Variants in GCSAML observed in about 807,000 individuals in gnomAD.
GCSAML encodes the protein germinal center-associated signaling and motility-like protein.
GCSAML carries 9 observed loss-of-function variants against 13.0 expected under a neutral mutation model. The observed-to-expected ratio is 0.69, with a 90% CI of 0.42 to 1.21. GCSAML has a LOEUF of 1.21. Among genes scored for constraint, GCSAML ranks in the 50% most tolerant of loss-of-function variants. The pLI is 0.00. For synonymous variants in GCSAML, 37 were observed against 52.9 expected, an observed-to-expected ratio of 0.70 and a Z score of 1.31; for missense variants, 143 against 153.4, an observed-to-expected ratio of 0.93 and a Z score of 0.36.
intron 1 of GCSAML, chr1:247,525,944 C>T (rs937308192): frequency 6.6e-6 from 1 of 152,182 alleles, no homozygotes; most frequent in African/African-American, 2.4e-5. Context: ...CTGTTGAAGA[C>T]CAAATATATG....
At chr1:247,519,356 C>T (rs1666335923) in intron 1 of GCSAML, 1 of 152,160 alleles carries the variant, frequency 6.6e-6, no homozygotes, top group East Asian at 1.9e-4. Context: ...GTCATTAGAT[C>T]AGATACAAGA....
chr1:247,534,885 G>T (rs1292744638), intron 2 of GCSAML, among the ~76,000 whole-genome samples: 2 of 152,160 alleles, frequency 1.3e-5, no homozygotes, highest in East Asian at 1.9e-4. Flanking sequence ...AAATTCACAC[G>T]TGGAAGCTGT....
intron 2 of GCSAML, among the ~76,000 whole-genome samples, chr1:247,559,257 ACTG>A (rs1226978548): frequency 6.6e-6 from 1 of 152,208 alleles, no homozygotes; most frequent in African/African-American, 2.4e-5. Flanking sequence ...TCAGATATTC[ACTG>A]TCATTATTTC....
At chr1:247,522,181 C>CA (rs1666461037) in intron 1 of GCSAML, among the ~76,000 whole-genome samples, 1 of 151,614 alleles carries the variant, frequency 6.6e-6, no homozygotes, top group African/African-American at 2.4e-5. Flanking sequence ...CGTCTCCGCC[C>CA]GGCAGCCGCC....
intron 4 of GCSAML, among the ~76,000 whole-genome samples, 185 bp downstream of exon 4, chr1:247,566,144 A>C (rs1361002269): frequency 6.6e-6 from 1 of 152,212 alleles, no homozygotes; most frequent in African/African-American, 2.4e-5. Context: ...TGTAATGCAG[A>C]AATGAAAGGA....
Position 247,514,447 on chromosome 1 carries a change from T to C in GCSAML, c.-263+7214T>C, listed in dbSNP as rs140530459. ...TTGTCTGTTAACTCTGCTATTTCTTTTGCTGTGCAGAAGCTTTTTAGTTTA... is the reference window on the plus strand; with the variant it reads ...TTGTCTGTTAACTCTGCTATTTCTTCTGCTGTGCAGAAGCTTTTTAGTTTA... On this transcript the variant is annotated intron_variant, in intron 1 of 5. Transcript: ENST00000366489. Among the ~76,000 whole-genome samples, 930 of 152,316 alleles carry C rather than the reference T, an allele frequency of 6.1e-3. 5 individuals carry two copies. The highest frequency in any genetic ancestry group is 0.018 in the African/African-American group (749 of 41,584).
At chr1:247,534,053 G>A (rs1352433239) in intron 2 of GCSAML, among the ~76,000 whole-genome samples, 1 of 152,082 alleles carries the variant, frequency 6.6e-6, no homozygotes, top group Non-Finnish European at 1.5e-5. Context: ...TTTTTGAAAA[G>A]TCACCTTCTG....
At chr1:247,521,129 T>C (rs1666401662) in intron 1 of GCSAML, among the ~76,000 whole-genome samples, 1 of 126,356 alleles carries the variant, frequency 7.9e-6, no homozygotes, top group Non-Finnish European at 1.8e-5. Flanking sequence ...TTTTTTTTTT[T>C]TTGCAAGGAG....
rs1667272213 is a variant in GCSAML, at chr1:247,537,762, A to C, written c.-148+10708A>C. On this transcript the variant is annotated intron_variant, in intron 2 of 5. Transcript: ENST00000366489. ...TTCCCAGCAGCTAATAATGTTGTGC[A>C]TTTTTTAATGTGCTTGTTGGCCACT... 2.6e-5 allele frequency among the ~76,000 whole-genome samples: 4 copies of C among 151,876 alleles called. No homozygotes were observed. The South Asian group carries it at 8.3e-4, about 32-fold the overall frequency.
At chr1:247,570,143 T>C (rs192403411) in intron 4 of GCSAML, among the ~76,000 whole-genome samples, 1 of 152,314 alleles carries the variant, frequency 6.6e-6, no homozygotes, top group African/African-American at 2.4e-5. Flanking sequence ...TTGTTAATCT[T>C]TTCAAAAAAA....
chr1:247,513,791 T>C (rs1316525149), intron 1 of GCSAML, among the ~76,000 whole-genome samples: 1 of 152,200 alleles, frequency 6.6e-6, no homozygotes, highest in Non-Finnish European at 1.5e-5. Context: ...TTGCGCTTCC[T>C]GGGTGAGGCA....
chr1:247,562,285 A>G (rs1668159007), intron 2 of GCSAML, among the ~76,000 whole-genome samples: 1 of 152,068 alleles, frequency 6.6e-6, no homozygotes, highest in Non-Finnish European at 1.5e-5. Context: ...GCTCCTCAGG[A>G]AGAAATTTAG....
intron 2 of GCSAML, chr1:247,531,452 A>G: frequency 4.8e-6 from 6 of 1,255,232 alleles, no homozygotes; most frequent in Non-Finnish European, 6.7e-6. Context: ...GAGCTCAAAC[A>G]ATATTAGAAG....
chr1:247,508,104 T>C (rs1404606637), intron 1 of GCSAML, among the ~76,000 whole-genome samples: 1 of 152,206 alleles, frequency 6.6e-6, no homozygotes, highest in African/African-American at 2.4e-5. Context: ...TCTTCCACAA[T>C]GGTTGAACTA....
chr1:247,522,309 C>T (rs1302859589), intron 1 of GCSAML, among the ~76,000 whole-genome samples: 3 of 135,944 alleles, frequency 2.2e-5, no homozygotes, highest in Non-Finnish European at 3.3e-5. Flanking sequence ...GGGGCGCCTC[C>T]ACCTGGCCGC....
rs1435693038 is a variant in GCSAML, at chr1:247,557,466, T to C, written c.89+1000T>C. Among the ~76,000 whole-genome samples, 3 of 152,214 alleles carry C rather than the reference T, an allele frequency of 2.0e-5. No homozygotes were observed. The East Asian group carries it at 5.8e-4, about 29-fold the overall frequency. On this transcript the variant is annotated intron_variant, in intron 2 of 4. Coordinates refer to ENST00000366488, the MANE Select transcript of GCSAML (RefSeq NM_145278.5). The stretch of plus-strand genomic sequence containing the variant: ...TTGTTGGTTAACTGTAGGCTTTTCG[T>C]ATTCTTGCACTAAGCTCTTTTTTAA...
At chr1:247,541,726 C>G (rs2103022557) in intron 2 of GCSAML, among the ~76,000 whole-genome samples, 1 of 152,130 alleles carries the variant, frequency 6.6e-6, no homozygotes, top group Non-Finnish European at 1.5e-5. Flanking sequence ...ATAGAAAAAC[C>G]TGGCTGAGCA....
chr1:247,528,656 C>A (rs557146069), intron 2 of GCSAML: 4 of 152,340 alleles, frequency 2.6e-5, no homozygotes, highest in African/African-American at 9.6e-5. Context: ...AGTGGTCAAA[C>A]TACAGGCAGT....
At chr1:247,532,313 G>A (rs150839400) in intron 2 of GCSAML, 1 of 1,614,076 alleles carries the variant, frequency 6.2e-7, no homozygotes, top group Admixed American at 1.7e-5. Flanking sequence ...AGGAAGGGGA[G>A]GTTGGCAAGA....
Sources: gnomAD v4.1 joint callset for allele counts (sites outside exome capture counted in the v4.1 genomes callset) on GRCh38, gnomAD v4.1.1 for gene constraint, MANE v1.5 for transcripts, NCBI Gene and HGNC (gene_info 2026-07-23, HGNC 2026-07-21) for gene names.